FBXL7: variants seen among roughly 807,000 people sequenced by gnomAD.
The protein encoded by FBXL7 is F-box and leucine rich repeat protein 7, also known as F-box/LRR-repeat protein 7.
A neutral mutation model predicts 38.3 loss-of-function variants in FBXL7; 12 were observed. The ratio of observed to expected loss-of-function variants is 0.31; its 90% confidence interval spans 0.20 to 0.51. The LOEUF (loss-of-function observed/expected upper bound fraction) is 0.51. Among genes scored for constraint, FBXL7 ranks in the 20% least tolerant of loss-of-function variants. FBXL7 has a pLI of 0.98. For missense variants in FBXL7, 567 were observed against 676.4 expected (o/e 0.84, Z 1.79); for synonymous variants, 297 against 300.9 (o/e 0.99, Z 0.13).
At chr5:15,632,619 A>G (rs1017867149) in intron 2 of FBXL7, among the ~76,000 whole-genome samples, 1 of 152,206 alleles carries the variant, frequency 6.6e-6, no homozygotes, top group African/African-American at 2.4e-5. Flanking sequence ...GACTCAACCT[A>G]GTTGCCCATC....
chr5:15,664,285 C>T (rs1237113429), intron 2 of FBXL7, among the ~76,000 whole-genome samples: 32 of 151,916 alleles, frequency 2.1e-4, no homozygotes, highest in Non-Finnish European at 4.4e-5. Flanking sequence ...GTTATGTGGT[C>T]GTGTATTTTA....
intron 2 of FBXL7, among the ~76,000 whole-genome samples, chr5:15,776,292 T>G (rs6896896): frequency 0.19 from 28,660 of 152,054 alleles, 2,717 homozygotes; most frequent in South Asian, 0.24. Context: ...TATTTGCTGT[T>G]ACCCTCCCAA....
At chr5:15,731,095 G>A (rs1487537652) in intron 2 of FBXL7, among the ~76,000 whole-genome samples, 1 of 152,110 alleles carries the variant, frequency 6.6e-6, no homozygotes, top group African/African-American at 2.4e-5. Flanking sequence ...AACCGTCTGA[G>A]TACATTCTTG....
intron 2 of FBXL7, among the ~76,000 whole-genome samples, chr5:15,812,833 A>G (rs1737903805): frequency 1.3e-5 from 2 of 152,206 alleles, no homozygotes; most frequent in East Asian, 3.9e-4. Flanking sequence ...GTTCTCCTTG[A>G]AGAGGTCCTT....
intron 2 of FBXL7, among the ~76,000 whole-genome samples, chr5:15,870,185 A>G (rs571829506): frequency 1.2e-4 from 18 of 152,092 alleles, no homozygotes; most frequent in African/African-American, 4.1e-4. Context: ...ACCAACCTAA[A>G]TGATCCATGG....
chr5:15,788,390 G>T (rs1737186443), intron 2 of FBXL7, among the ~76,000 whole-genome samples: 1 of 152,120 alleles, frequency 6.6e-6, no homozygotes, highest in Non-Finnish European at 1.5e-5. Context: ...AAGTGGATCT[G>T]CAGTGCCCAT....
At chr5:15,734,012 C>T (rs1480740136) in intron 2 of FBXL7, among the ~76,000 whole-genome samples, 2 of 151,054 alleles carry the variant, frequency 1.3e-5, no homozygotes, top group Admixed American at 6.6e-5. Flanking sequence ...GAGACTGGGG[C>T]AGGAGAATCT....
intron 2 of FBXL7, among the ~76,000 whole-genome samples, chr5:15,757,924 C>T (rs1020001661): frequency 1.3e-5 from 2 of 152,184 alleles, no homozygotes; most frequent in African/African-American, 2.4e-5. Flanking sequence ...TTCCTATTTT[C>T]GTTTACAGAT....
rs1170835305 is a variant in FBXL7 at position 15,816,361 on chromosome 5, C to T, written c.128-111529C>T. On this transcript the variant is annotated intron_variant, in intron 2 of 3. Transcript: ENST00000504595. ...GCAGCAACTTGGATGGAGCTGAAAG[C>T]CATTATTCGAAGAGAAGTAACTCAG... is the stretch of plus-strand genomic sequence containing the variant. Among the ~76,000 whole-genome samples, 24 of 151,928 alleles carry T rather than the reference C, an allele frequency of 1.6e-4. 1 individual carries two copies. The highest frequency in any genetic ancestry group is 1.6e-3 in the Admixed American group (24 of 15,232).
rs543433235 is a variant in FBXL7, at chr5:15,724,692, A to C, written c.127+108620A>C. On this transcript the variant is annotated intron_variant, in intron 2 of 3. Coordinates refer to ENST00000504595, the MANE Select transcript of FBXL7 (RefSeq NM_012304.5). Reference sequence around the variant, plus strand: ...TTTCTGGTGATTTATAACATTTTAAAGTATGCTAACATTTAAACAAATTAA... The same window carrying C: ...TTTCTGGTGATTTATAACATTTTAACGTATGCTAACATTTAAACAAATTAA... 9.2e-5 allele frequency among the ~76,000 whole-genome samples: 14 copies of C among 152,340 alleles called. No homozygotes were observed. The South Asian group carries it at 2.9e-3, about 32-fold the overall frequency.
chr5:15,720,652 A>G (rs1054432119), intron 2 of FBXL7, among the ~76,000 whole-genome samples: 4 of 148,334 alleles, frequency 2.7e-5, no homozygotes, highest in Non-Finnish European at 6.0e-5. Flanking sequence ...GTTGGCCAAT[A>G]ATTATTTCTT....
intron 2 of FBXL7, among the ~76,000 whole-genome samples, chr5:15,687,722 A>G (rs1211260186): frequency 1.3e-5 from 2 of 152,336 alleles, no homozygotes; most frequent in East Asian, 1.9e-4. Flanking sequence ...TCCACTTGAC[A>G]TTGCAGCTCA....
chr5:15,823,939 C>T (rs1197612228), intron 2 of FBXL7, among the ~76,000 whole-genome samples: 5 of 152,036 alleles, frequency 3.3e-5, no homozygotes, highest in South Asian at 2.1e-4. Flanking sequence ...TATTCAAGAA[C>T]GAGAATCCTA....
intron 2 of FBXL7, among the ~76,000 whole-genome samples, chr5:15,741,162 T>C (rs891373997): frequency 3.3e-5 from 5 of 152,236 alleles, no homozygotes; most frequent in Non-Finnish European, 5.9e-5. Context: ...TATAGAAATA[T>C]GTTAATGATA....
At chr5:15,933,227 A>G (rs945569267) in intron 3 of FBXL7, among the ~76,000 whole-genome samples, 2 of 152,256 alleles carry the variant, frequency 1.3e-5, no homozygotes, top group African/African-American at 4.8e-5. Context: ...AAATAATACA[A>G]GCCTATAAAA....
At chr5:15,730,958 T>G (rs1046963557) in intron 2 of FBXL7, among the ~76,000 whole-genome samples, 1 of 152,198 alleles carries the variant, frequency 6.6e-6, no homozygotes, top group Non-Finnish European at 1.5e-5. Flanking sequence ...ATGCCTATCA[T>G]GAAGATGTTA....
intron 2 of FBXL7, among the ~76,000 whole-genome samples, chr5:15,721,428 A>G (rs575619177): frequency 1.3e-5 from 2 of 152,286 alleles, no homozygotes; most frequent in Non-Finnish European, 2.9e-5. Flanking sequence ...CAAAAATCAT[A>G]GCAAACAAGG....
intron 1 of FBXL7, among the ~76,000 whole-genome samples, chr5:15,577,594 TTGTGTGTGTGTGTGTGTGTGTGTGTGTG>T (rs34405217): frequency 6.8e-6 from 1 of 147,568 alleles, no homozygotes; most frequent in Admixed American, 6.8e-5. Flanking sequence ...GTAATGCATT[TTGTGTGTGTGTGTGTGTGTGTGTGTGTG>T]TGTGTGTGTG....
At chr5:15,852,638 C>A (rs1739131554) in intron 2 of FBXL7, among the ~76,000 whole-genome samples, 3 of 152,020 alleles carry the variant, frequency 2.0e-5, no homozygotes, top group Admixed American at 2.0e-4. Context: ...TTGGAGAAGA[C>A]CACATTTACA....
Sources: allele counts gnomAD v4.1 joint callset (sites outside exome capture counted in the v4.1 genomes callset), GRCh38; gene constraint gnomAD v4.1.1; transcripts MANE v1.5; gene names NCBI Gene and HGNC (gene_info 2026-07-23, HGNC 2026-07-21).